COG3: variants seen among roughly 807,000 people sequenced by gnomAD.
COG3 encodes conserved oligomeric Golgi complex subunit 3.
COG3 carries 32 observed loss-of-function variants against 114.1 expected under a neutral mutation model. The ratio of observed to expected loss-of-function variants is 0.28; its 90% confidence interval spans 0.21 to 0.38. COG3 has a LOEUF of 0.38. COG3 is among the 10% of genes least tolerant of loss of function. The probability of loss-of-function intolerance (pLI) is 1.00; values close to 1 mark genes in which losing one functional copy is unlikely to be tolerated. For synonymous variants in COG3, 352 were observed against 365.7 expected (o/e 0.96, Z 0.43); for missense variants, 813 against 973.2 (o/e 0.84, Z 2.19).
rs747849824 is a variant in COG3, at chr13:45,481,283, C to G, written c.603C>G (p.Asn201Lys). 2.5e-6 allele frequency: 4 copies of G among 1,581,870 alleles called. No homozygotes were observed. In the South Asian group the frequency reaches 4.5e-5, roughly 18 times the overall value. ...ENIQQKLSYF[N>K]ELETINTKLN... is the part of the protein sequence containing the mutation. ...TTCAACAAAAGCTTTCCTATTTTAA[C>G]GAATTGGAAACTATTAACACAGTAA... Residue 201 changes from asparagine to lysine, a missense_variant, in exon 5 of 23, where the codon AAC (asparagine) becomes AAG (lysine). Coordinates refer to ENST00000349995, the MANE Select transcript of COG3 (RefSeq NM_031431.4).
At chr13:45,480,090 A>T (rs201197509) in intron 3 of COG3, 35 bp from the exon 4 acceptor site, 51 of 1,544,074 alleles carry the variant, frequency 3.3e-5, no homozygotes, top group Non-Finnish European at 4.1e-5. Context: ...GGGGGAAAAG[A>T]TTATTGCCAA....
At chr13:45,477,757 G>T (rs1358193627) in intron 2 of COG3, among the ~76,000 whole-genome samples, 1 of 151,612 alleles carries the variant, frequency 6.6e-6, no homozygotes, top group African/African-American at 2.4e-5. Flanking sequence ...CTCCTGAGTA[G>T]CTGGGACTAC....
chr13:45,517,466 A>G (rs551908569), intron 17 of COG3, among the ~76,000 whole-genome samples: 1 of 152,232 alleles, frequency 6.6e-6, no homozygotes, highest in East Asian at 1.9e-4. Context: ...TCTGTAAAGC[A>G]TGTGTGTTAT....
At chr13:45,524,455 A>G (rs543954130) in intron 19 of COG3, among the ~76,000 whole-genome samples, 2 of 152,344 alleles carry the variant, frequency 1.3e-5, no homozygotes, top group South Asian at 4.1e-4. Context: ...CTGATTGGTC[A>G]GTCATATGTG....
chr13:45,507,774 G>GAA (rs34309121), intron 14 of COG3, among the ~76,000 whole-genome samples: 131 of 138,372 alleles, frequency 9.5e-4, no homozygotes, highest in African/African-American at 2.7e-3. Flanking sequence ...CAGAAAAAAA[G>GAA]AAAAAAAAAA....
Position 45,516,118 on chromosome 13 carries a change from T to C in COG3, c.1810-25T>C, listed in dbSNP as rs751028600. On this transcript the variant is annotated intron_variant, in intron 16 of 22. Transcript: ENST00000349995. Reference sequence around the variant, plus strand: ...TATTTTGATTTAATATGTGATCATATCCATTTTTCTGTCTTATAATTTAGA... The same window carrying C: ...TATTTTGATTTAATATGTGATCATACCCATTTTTCTGTCTTATAATTTAGA... 16 of 1,501,444 alleles carry C rather than the reference T, an allele frequency of 1.1e-5. No homozygotes were observed. In the African/African-American group the frequency reaches 2.1e-4, roughly 19 times the overall value. The allele number at this position is 1,501,444 out of a possible 1,614,324, so 93.0% of individuals were successfully genotyped here.
chr13:45,529,933 A>G lies in COG3; in HGVS notation c.2358+15A>G, dbSNP rs2137930551. On this transcript the variant is annotated intron_variant, in intron 21 of 22. Transcript: ENST00000349995. The stretch of plus-strand genomic sequence containing the variant: ...AACCTGTGAGGGTGAGTATCAGATA[A>G]CTCATTTGAATGTTGGCGGGTGACT... 6.3e-7 allele frequency: 1 copy of G among 1,592,824 alleles called. No homozygotes were observed.
intron 13 of COG3, among the ~76,000 whole-genome samples, chr13:45,502,342 G>A (rs1869630507): frequency 6.6e-6 from 1 of 152,172 alleles, no homozygotes; most frequent in Non-Finnish European, 1.5e-5. Context: ...TCCCTTCCCA[G>A]TGTAATTTAG....
intron 1 of COG3, 77 bp downstream of exon 1, chr13:45,465,287 T>C: frequency 1.9e-6 from 3 of 1,548,524 alleles, no homozygotes; most frequent in Non-Finnish European, 2.6e-6. Flanking sequence ...GACCCCGGCC[T>C]CACTAGCCTC....
Position 45,511,819 on chromosome 13 carries a change from T to C in COG3, c.1774T>C (p.Leu592=), listed in dbSNP as rs745603445. 6.2e-7 allele frequency: 1 copy of C among 1,614,022 alleles called. No homozygotes were observed. Among genetic ancestry groups the C allele is most frequent in the East Asian group, 2.2e-5 (1 of 44,868 alleles). The change falls in exon 16 of 23, where the codon TTA becomes CTA. Residue 592 remains leucine, a synonymous_variant. Transcript: ENST00000349995. ...AGCATTGTCTGCCTGCATTCAGTCC[T>C]TACTTGGAGCGTCAGAGTCTATCAG... is the stretch of plus-strand genomic sequence containing the variant. ...QEALSACIQS[L]LGASESISKN...
intron 19 of COG3, among the ~76,000 whole-genome samples, chr13:45,520,058 C>G (rs932120421): frequency 6.6e-6 from 1 of 152,102 alleles, no homozygotes; most frequent in African/African-American, 2.4e-5. Flanking sequence ...ACAGGAGGAT[C>G]GCTCGAGCCC....
chr13:45,491,441 AG>A lies in COG3; in HGVS notation c.999del (p.Gln333HisfsTer22). On this transcript the variant is annotated frameshift_variant, in exon 10 of 23. Transcript: ENST00000349995. LOFTEE classifies it high-confidence loss of function. ...EYQQLLNDIH[Q>X]CYLDQRELLL... ...CAACAACTGCTAAATGATATCCACC[AG>A]TGTTACCTTGATCAGCGGGAGCTCC... is the stretch of plus-strand genomic sequence containing the variant. 1 of 1,612,414 alleles carries A rather than the reference AG, an allele frequency of 6.2e-7. No individual in the cohort carries two copies. Among genetic ancestry groups the A allele is most frequent in the Non-Finnish European group, 8.5e-7 (1 of 1,179,428 alleles).
At chr13:45,478,661 G>T (rs1388428474) in intron 2 of COG3, among the ~76,000 whole-genome samples, 1 of 151,860 alleles carries the variant, frequency 6.6e-6, no homozygotes, top group Non-Finnish European at 1.5e-5. Flanking sequence ...GCTAATTTTT[G>T]TATTTTTAGT....
At chr13:45,483,384 T>C in intron 7 of COG3, 29 bp downstream of exon 7, 1 of 1,509,346 alleles carries the variant, frequency 6.6e-7, no homozygotes, top group Middle Eastern at 1.8e-4. Flanking sequence ...ACAACAGGTT[T>C]TTGTTATTGT....
At chr13:45,475,483 C>T (rs1467995030) in intron 1 of COG3, among the ~76,000 whole-genome samples, 1 of 152,184 alleles carries the variant, frequency 6.6e-6, no homozygotes, top group East Asian at 1.9e-4. Context: ...GGATTACAGG[C>T]GTGAGCCACT....
chr13:45,524,516 C>T (rs1256119023), intron 19 of COG3, among the ~76,000 whole-genome samples: 1 of 152,200 alleles, frequency 6.6e-6, no homozygotes, highest in East Asian at 1.9e-4. Context: ...ATGACATTCT[C>T]TCTGCCTGTG....
At chr13:45,488,553 G>A (rs1283467486) in intron 8 of COG3, among the ~76,000 whole-genome samples, 6 of 152,162 alleles carry the variant, frequency 3.9e-5, no homozygotes, top group Non-Finnish European at 7.3e-5. Context: ...GGATTATGGT[G>A]AAGAGAGATT....
At chr13:45,531,220 G>A in intron 22 of COG3, 2 of 226,466 alleles carry the variant, frequency 8.8e-6, no homozygotes, top group Admixed American at 5.9e-5. Flanking sequence ...AGATTTTGGT[G>A]CACCCATCAC....
chr13:45,533,978 C>T (rs965502438), intron 22 of COG3, among the ~76,000 whole-genome samples: 1 of 152,214 alleles, frequency 6.6e-6, no homozygotes, highest in South Asian at 2.1e-4. Flanking sequence ...ACAGCCAGGT[C>T]CATTTACCCA....
Sources: allele counts gnomAD v4.1 joint callset (sites outside exome capture counted in the v4.1 genomes callset), GRCh38; gene constraint gnomAD v4.1.1; transcripts MANE v1.5; gene names NCBI Gene and HGNC (gene_info 2026-07-23, HGNC 2026-07-21).